WDR25: variants seen among roughly 807,000 people sequenced by gnomAD.
WDR25 encodes the protein WD repeat domain 25.
In WDR25, 35 loss-of-function variants were observed where a neutral mutation model predicts 47.7. That is an observed-to-expected ratio of 0.73 (90% CI 0.56 to 0.97). The LOEUF is 0.97. Among genes scored for constraint, WDR25 ranks in the 50% least tolerant of loss-of-function variants. WDR25 has a pLI of 0.00. For synonymous variants in WDR25, 248 were observed against 278.9 expected, an observed-to-expected ratio of 0.89 and a Z score of 1.10; for missense variants, 634 against 704.7, an observed-to-expected ratio of 0.90 and a Z score of 1.14.
chr14:100,444,467 C>T (rs750942870), intron 2 of WDR25, among the ~76,000 whole-genome samples: 2 of 152,216 alleles, frequency 1.3e-5, no homozygotes, highest in African/African-American at 2.4e-5. Context: ...CCTGCTGGTC[C>T]CCCTTACCCT....
chr14:100,466,884 C>G (rs912390420), intron 2 of WDR25, among the ~76,000 whole-genome samples: 2 of 152,218 alleles, frequency 1.3e-5, no homozygotes, highest in Non-Finnish European at 2.9e-5. Flanking sequence ...TGACATATTC[C>G]AAACTCTCCG....
At chr14:100,517,498 A>C (rs901244479) in intron 4 of WDR25, among the ~76,000 whole-genome samples, 1 of 152,062 alleles carries the variant, frequency 6.6e-6, no homozygotes, top group African/African-American at 2.4e-5. Flanking sequence ...TACATGCCTA[A>C]TTTTTCACAA....
intron 1 of WDR25, among the ~76,000 whole-genome samples, chr14:100,377,210 A>G (rs566099750): frequency 2.6e-5 from 4 of 152,316 alleles, no homozygotes; most frequent in Non-Finnish European, 5.9e-5. Flanking sequence ...AATTATTTGC[A>G]GTGCACGGTT....
intron 2 of WDR25, among the ~76,000 whole-genome samples, chr14:100,456,839 C>G (rs34590632): frequency 0.32 from 48,518 of 152,062 alleles, 9,571 homozygotes; most frequent in African/African-American, 0.56. Context: ...ATGGCTGAAA[C>G]TTTTCTAAAT....
chr14:100,402,622 G>A (rs2224585), intron 2 of WDR25, among the ~76,000 whole-genome samples: 33,601 of 151,968 alleles, frequency 0.22, 3,937 homozygotes, highest in Middle Eastern at 0.24. Context: ...CAAACATAGA[G>A]GCTCAACTGT....
rs986779007 is a variant in WDR25, at chr14:100,449,074, A to G, written c.823-18947A>G. Among the ~76,000 whole-genome samples the G allele has an allele frequency of 6.6e-6, 1 of 152,146 alleles. No homozygotes were observed. The highest frequency in any genetic ancestry group is 2.4e-5 in the African/African-American group (1 of 41,444). On this transcript the variant is annotated intron_variant, in intron 2 of 6. Transcript: ENST00000402312. This position sits in a 1 kb window ranked among gnomAD's most constrained non-coding sequence, Gnocchi z 4.2. Reference sequence around the variant, plus strand: ...GTGAGTGGGGCCTCCGGAGTCAGCCACTGACTTTCCCACTGTAGCTGTTTA... The same window carrying G: ...GTGAGTGGGGCCTCCGGAGTCAGCCGCTGACTTTCCCACTGTAGCTGTTTA...
intron 3 of WDR25, among the ~76,000 whole-genome samples, chr14:100,475,380 G>T (rs1299657395): frequency 6.6e-6 from 1 of 152,166 alleles, no homozygotes; most frequent in African/African-American, 2.4e-5. Context: ...AGCCACCTCG[G>T]TGTCCATCAG....
intron 3 of WDR25, among the ~76,000 whole-genome samples, chr14:100,472,390 G>A (rs1899870583): frequency 1.3e-5 from 2 of 152,224 alleles, no homozygotes; most frequent in South Asian, 4.1e-4. Flanking sequence ...CTGCCTCCCC[G>A]AACCAGGCCT....
At chr14:100,518,648 T>C (rs2140377014) in intron 4 of WDR25, among the ~76,000 whole-genome samples, 1 of 152,246 alleles carries the variant, frequency 6.6e-6, no homozygotes, top group Non-Finnish European at 1.5e-5. Flanking sequence ...CCTAGCACTT[T>C]GGGAGGCCAA....
intron 3 of WDR25, among the ~76,000 whole-genome samples, chr14:100,471,542 GA>G (rs2140301450): frequency 6.6e-6 from 1 of 152,260 alleles, no homozygotes; most frequent in East Asian, 1.9e-4. Context: ...CTTTCTACTG[GA>G]TCTGCCTTTT....
rs766989768 is a variant in WDR25 at position 100,529,902 on chromosome 14, T to G, written c.1496T>G (p.Met499Arg). The change falls in exon 7 of 7, where the codon ATG becomes AGG. Residue 499 changes from methionine to arginine, a missense_variant. Transcript: ENST00000402312. This position sits in a 1 kb window ranked among gnomAD's most constrained non-coding sequence, Gnocchi z 5.1. ...VTGSADGRVL[M>R]YSFRTASRAC... The stretch of plus-strand genomic sequence containing the variant: ...GGCAGCGCCGATGGCCGGGTCCTGA[T>G]GTACAGCTTCCGCACAGCCAGCCGA... 1 of 1,613,406 alleles carries G rather than the reference T, an allele frequency of 6.2e-7. No individual in the cohort carries two copies. Among genetic ancestry groups the G allele is most frequent in the Admixed American group, 1.7e-5 (1 of 60,034 alleles).
chr14:100,528,858 C>T (rs1277178789), intron 5 of WDR25, among the ~76,000 whole-genome samples: 1 of 152,186 alleles, frequency 6.6e-6, no homozygotes, highest in Non-Finnish European at 1.5e-5. Flanking sequence ...TTCAGCCCAG[C>T]GAGGCCTTTT....
chr14:100,443,490 T>C (rs1404129187), intron 2 of WDR25, among the ~76,000 whole-genome samples: 1 of 152,242 alleles, frequency 6.6e-6, no homozygotes. Context: ...CTTTCCGTGC[T>C]AGCCGAAGCC....
intron 1 of WDR25, among the ~76,000 whole-genome samples, chr14:100,377,561 C>T (rs1438868402): frequency 6.6e-6 from 1 of 151,946 alleles, no homozygotes; most frequent in Non-Finnish European, 1.5e-5. Context: ...CCGCCCTTCT[C>T]GGCCTCCTAC....
chr14:100,457,349 A>G (rs187553190), intron 2 of WDR25, among the ~76,000 whole-genome samples: 43 of 152,354 alleles, frequency 2.8e-4, no homozygotes, highest in East Asian at 1.4e-3. Flanking sequence ...CAAAGACGAG[A>G]GTGACCTGAA....
intron 2 of WDR25, among the ~76,000 whole-genome samples, chr14:100,443,969 G>A (rs750844838): frequency 6.6e-6 from 1 of 152,192 alleles, no homozygotes; most frequent in Non-Finnish European, 1.5e-5. Flanking sequence ...GGATCTTGAG[G>A]CTCAGAGAGG....
chr14:100,510,756 A>AATG (rs1901283956), intron 4 of WDR25, among the ~76,000 whole-genome samples: 1 of 150,134 alleles, frequency 6.7e-6, no homozygotes, highest in Admixed American at 6.6e-5. Context: ...TAATAATAAT[A>AATG]ATAATAATGT....
chr14:100,451,562 G>C (rs1468941715), intron 2 of WDR25, among the ~76,000 whole-genome samples: 1 of 152,200 alleles, frequency 6.6e-6, no homozygotes, highest in Non-Finnish European at 1.5e-5. Flanking sequence ...GGATCTGTGT[G>C]TATTGAGGCC....
intron 1 of WDR25, among the ~76,000 whole-genome samples, chr14:100,379,396 T>C (rs573370256): frequency 3.5e-4 from 53 of 150,620 alleles, no homozygotes; most frequent in African/African-American, 1.1e-3. Flanking sequence ...TTTTCTTTTT[T>C]TTTTTTTTTG....
Sources: gnomAD v4.1 joint callset for allele counts (sites outside exome capture counted in the v4.1 genomes callset) on GRCh38, gnomAD v4.1.1 for gene constraint, Gnocchi (gnomAD v3.1) non-coding constraint, MANE v1.5 for transcripts, NCBI Gene and HGNC (gene_info 2026-07-23, HGNC 2026-07-21) for gene names.